The following NRG1 variants were observed in gnomAD, a reference collection of about 807,000 sequenced individuals.
The protein encoded by NRG1 is neuregulin 1, also known as pro-neuregulin-1, membrane-bound isoform.
Under a neutral mutation model 63.8 loss-of-function variants are expected in NRG1, and 18 were observed. That is an observed-to-expected ratio of 0.28 (90% CI 0.19 to 0.42). The LOEUF (loss-of-function observed/expected upper bound fraction) is 0.42, where lower values mean the gene tolerates loss of function less well. Ranked by LOEUF, NRG1 falls within the 10% of genes least tolerant of loss-of-function variation. The pLI is 1.00. For synonymous variants in NRG1, 302 were observed against 301.3 expected, an observed-to-expected ratio of 1.00 and a Z score of -0.02; for missense variants, 762 against 814.7, an observed-to-expected ratio of 0.94 and a Z score of 0.79.
At chr8:32,127,876 G>A (rs538627365) in intron 1 of NRG1, among the ~76,000 whole-genome samples, 1 of 151,808 alleles carries the variant, frequency 6.6e-6, no homozygotes, top group East Asian at 1.9e-4. Context: ...AGTGTGCCAT[G>A]GTAACACATA....
At chr8:32,256,977 C>G (rs185957506) in intron 1 of NRG1, among the ~76,000 whole-genome samples, 1 of 152,158 alleles carries the variant, frequency 6.6e-6, no homozygotes, top group African/African-American at 2.4e-5. Flanking sequence ...TTCAGAGATG[C>G]CCTGCCCAGA....
intron 1 of NRG1, among the ~76,000 whole-genome samples, chr8:32,044,913 CA>C: frequency 0.086 from 4,920 of 57,076 alleles, 325 homozygotes; most frequent in African/African-American, 0.23. Context: ...TAAAGAAAAG[CA>C]AAAAAAAAAA....
intron 1 of NRG1, among the ~76,000 whole-genome samples, chr8:31,951,708 CT>C (rs1230458200): frequency 6.6e-6 from 1 of 152,206 alleles, no homozygotes; most frequent in East Asian, 1.9e-4. Flanking sequence ...CAGAGTGCCA[CT>C]TCCCCTGGGA....
chr8:32,237,150 G>A (rs1294973525), intron 1 of NRG1, among the ~76,000 whole-genome samples: 1 of 152,142 alleles, frequency 6.6e-6, no homozygotes, highest in Non-Finnish European at 1.5e-5. Flanking sequence ...GTCTATCTTT[G>A]AAAGGATTTC....
In NRG1 at chr8:31,640,284, G is replaced by A. The variant is rs1803611929; in HGVS notation, c.37+853G>A. ...GGCAGCAGGGGGCACTCGACAGGAA[G>A]GCGGCGGCGGCGGCGGGCGAGGCAG... On this transcript the variant is annotated intron_variant, in intron 1 of 10. Transcript: ENST00000519301. The surrounding 1 kb of genome is among the most constrained non-coding windows in gnomAD (Gnocchi z 6.3). The A allele has an allele frequency of 9.4e-7, 1 of 1,061,192 alleles. No homozygotes were observed. The highest frequency in any genetic ancestry group is 1.1e-6 in the Non-Finnish European group (1 of 871,730). 65.7% of individuals were successfully genotyped at this position (1,061,192 alleles called of 1,614,324 possible).
At chr8:32,767,378 T>G (rs1831508388) in exon 12 of NRG1, 1 of 152,192 alleles carries the variant, frequency 6.6e-6, no homozygotes, top group Non-Finnish European at 1.5e-5. Flanking sequence ...AGGCCTGGTC[T>G]TATCTTGTAT....
At chr8:32,710,349 G>A (rs1739802999) in intron 5 of NRG1, among the ~76,000 whole-genome samples, 1 of 152,030 alleles carries the variant, frequency 6.6e-6, no homozygotes, top group African/African-American at 2.4e-5. Flanking sequence ...TGTACAATCA[G>A]CTTTTAAAGG....
At chr8:32,199,907 G>A (rs1843331868) in intron 1 of NRG1, among the ~76,000 whole-genome samples, 1 of 152,114 alleles carries the variant, frequency 6.6e-6, no homozygotes, top group Admixed American at 6.5e-5. Flanking sequence ...AGCCTCCTGA[G>A]TAGCTGGGAT....
chr8:32,297,930 A>T (rs1855085687), intron 1 of NRG1, among the ~76,000 whole-genome samples: 1 of 152,272 alleles, frequency 6.6e-6, no homozygotes, highest in Admixed American at 6.5e-5. Flanking sequence ...TGTAATGAGA[A>T]GAATGCTTTG....
At chr8:31,818,146 A>G (rs975372519) in intron 1 of NRG1, among the ~76,000 whole-genome samples, 2 of 152,228 alleles carry the variant, frequency 1.3e-5, no homozygotes, top group Non-Finnish European at 2.9e-5. Context: ...GGATGCATAA[A>G]TATCTTAAGA....
chr8:32,503,288 GAAAAAAAAAAAA>G (rs60857610), intron 1 of NRG1, among the ~76,000 whole-genome samples: 11 of 54,862 alleles, frequency 2.0e-4, no homozygotes, highest in African/African-American at 2.6e-4. Flanking sequence ...CTCTGTCTCA[GAAAAAAAAAAAA>G]AAAAAAAAAA....
chr8:32,118,764 A>G (rs921353894), intron 1 of NRG1, among the ~76,000 whole-genome samples: 11 of 152,050 alleles, frequency 7.2e-5, no homozygotes, highest in Admixed American at 6.6e-4. Context: ...TTAGGGCAGC[A>G]ATCTTTGGGT....
chr8:32,455,318 A>G (rs569447534), intron 1 of NRG1, among the ~76,000 whole-genome samples: 1 of 152,198 alleles, frequency 6.6e-6, no homozygotes, highest in Non-Finnish European at 1.5e-5. Context: ...AATAGTGCAC[A>G]TTCAATACTA....
rs145566365 is a variant in NRG1, at chr8:32,197,726, G to A, written c.38-398102G>A. ...AAAAATGGGGGCTTGCCAGAGTCAAGTCATACAAGACTGCTTTCCTAATAT... is the reference window on the plus strand; with the variant it reads ...AAAAATGGGGGCTTGCCAGAGTCAAATCATACAAGACTGCTTTCCTAATAT... On this transcript the variant is annotated intron_variant, in intron 1 of 10. Coordinates refer to the NRG1 transcript ENST00000519301. Among the ~76,000 whole-genome samples, 40 of 152,326 alleles carry A rather than the reference G, an allele frequency of 2.6e-4. No homozygotes were observed. The East Asian group carries it at 5.8e-3, about 22-fold the overall frequency.
At chr8:32,025,817 G>A (rs763606348) in intron 1 of NRG1, among the ~76,000 whole-genome samples, 18 of 151,400 alleles carry the variant, frequency 1.2e-4, no homozygotes, top group Non-Finnish European at 2.7e-4. Flanking sequence ...GCCTGGTGGC[G>A]GGCGCCTGTA....
chr8:32,617,069 C>A (rs534838793), intron 5 of NRG1, among the ~76,000 whole-genome samples, 184 bp downstream of exon 5: 1 of 152,220 alleles, frequency 6.6e-6, no homozygotes, highest in African/African-American at 2.4e-5. Context: ...ACTAGACATC[C>A]TGTCCTCCCA....
At chr8:32,013,565 C>T (rs562427179) in intron 1 of NRG1, among the ~76,000 whole-genome samples, 2 of 152,172 alleles carry the variant, frequency 1.3e-5, no homozygotes, top group African/African-American at 4.8e-5. Context: ...GAACCACCAG[C>T]CCTGATTAAA....
chr8:31,848,499 C>T (rs1426809785), intron 1 of NRG1, among the ~76,000 whole-genome samples: 2 of 151,550 alleles, frequency 1.3e-5, no homozygotes, highest in Non-Finnish European at 2.9e-5. Context: ...GGGTCCACAA[C>T]CCCTGGGCCA....
In NRG1 at chr8:32,306,165, C is replaced by G. The variant is rs200462407; in HGVS notation, c.38-289663C>G. Among the ~76,000 whole-genome samples, 15 of 152,186 alleles carry G rather than the reference C, an allele frequency of 9.9e-5. No homozygotes were observed. In the East Asian group the frequency reaches 2.9e-3, roughly 29 times the overall value. The stretch of plus-strand genomic sequence containing the variant: ...TTTCCAATTCTTTGTTAAAGATGGC[C>G]ATAATAAGTAATGAGAGTGTGCATT... On this transcript the variant is annotated intron_variant, in intron 1 of 10. Coordinates refer to the NRG1 transcript ENST00000519301.
Sources: gnomAD v4.1 joint callset for allele counts (sites outside exome capture counted in the v4.1 genomes callset) on GRCh38, gnomAD v4.1.1 for gene constraint, Gnocchi (gnomAD v3.1) non-coding constraint, MANE v1.5 for transcripts, NCBI Gene and HGNC (gene_info 2026-07-23, HGNC 2026-07-21) for gene names.